The following DCC variants were observed in gnomAD, a reference collection of about 807,000 sequenced individuals.
DCC encodes the protein DCC netrin 1 receptor, also known as netrin receptor DCC.
Under a neutral mutation model 172.5 loss-of-function variants are expected in DCC, and 58 were observed. The ratio of observed to expected loss-of-function variants is 0.34; its 90% CI spans 0.27 to 0.42. DCC has a LOEUF of 0.42. Among genes scored for constraint, DCC ranks in the 10% least tolerant of loss-of-function variants. The pLI, the probability that DCC is intolerant of heterozygous loss-of-function variation, is 1.00. For synonymous variants in DCC, 709 were observed against 644.5 expected (o/e 1.10, Z -1.52); for missense variants, 1,740 against 1,791.0 (o/e 0.97, Z 0.51).
At chr18:52,491,366 T>A (rs2071918187) in intron 1 of DCC, among the ~76,000 whole-genome samples, 1 of 151,998 alleles carries the variant, frequency 6.6e-6, no homozygotes, top group South Asian at 2.1e-4. Context: ...GTATGATACA[T>A]AAAAGTAAAG....
intron 5 of DCC, among the ~76,000 whole-genome samples, chr18:52,995,514 C>A (rs1176860742): frequency 6.6e-6 from 1 of 151,370 alleles, no homozygotes; most frequent in Non-Finnish European, 1.5e-5. Context: ...TCAAACACAG[C>A]GATTGTGTTT....
At chr18:53,460,786 G>A (rs1045238831) in intron 24 of DCC, among the ~76,000 whole-genome samples, 1 of 152,118 alleles carries the variant, frequency 6.6e-6, no homozygotes, top group Non-Finnish European at 1.5e-5. Context: ...AGTCCTTTGG[G>A]TATATCCCCA....
intron 12 of DCC, among the ~76,000 whole-genome samples, chr18:53,249,800 T>C (rs1020585736): frequency 7.2e-5 from 11 of 151,978 alleles, no homozygotes; most frequent in African/African-American, 1.7e-4. Flanking sequence ...TCAGCACTTA[T>C]TTCAACCTTC....
At chr18:52,883,200 C>T (rs1287212683) in intron 2 of DCC, among the ~76,000 whole-genome samples, 1 of 151,978 alleles carries the variant, frequency 6.6e-6, no homozygotes, top group African/African-American at 2.4e-5. Flanking sequence ...ATGTTTTAAT[C>T]TATTAAGACA....
At chr18:53,115,964 C>T (rs2043403181) in intron 7 of DCC, among the ~76,000 whole-genome samples, 2 of 151,224 alleles carry the variant, frequency 1.3e-5, no homozygotes, top group East Asian at 3.9e-4. Flanking sequence ...GATGTGGGAG[C>T]GGGGTTGAGG....
In DCC at chr18:53,323,940, G is replaced by C. The variant is rs147482962; in HGVS notation, c.2164+1783G>C. On this transcript the variant is annotated intron_variant, in intron 14 of 28. Transcript: ENST00000442544. ...ATGATGAAGTTTGTAAGATAAGCAG[G>C]TTCCAAATCTGACAAGACAAAGTTA... 5.5e-5 allele frequency among the ~76,000 whole-genome samples: 8 copies of C among 146,042 alleles called. No individual in the cohort carries two copies. The East Asian group carries it at 1.5e-3, about 28-fold the overall frequency.
intron 1 of DCC, among the ~76,000 whole-genome samples, chr18:52,527,367 G>A (rs200268343): frequency 1.3e-5 from 2 of 152,190 alleles, no homozygotes; most frequent in Admixed American, 6.5e-5. Flanking sequence ...TGGTTCTTTT[G>A]CTATAATAAA....
chr18:52,643,686 T>C (rs1313345302), intron 1 of DCC, among the ~76,000 whole-genome samples: 1 of 152,170 alleles, frequency 6.6e-6, no homozygotes, highest in East Asian at 1.9e-4. Context: ...TATTTTCTCC[T>C]TGTGAAGTTG....
intron 1 of DCC, among the ~76,000 whole-genome samples, chr18:52,556,866 T>C (rs144349826): frequency 6.6e-6 from 1 of 152,304 alleles, no homozygotes; most frequent in African/African-American, 2.4e-5. Flanking sequence ...GAATTATTTG[T>C]ATTTTGGACT....
Position 52,687,283 on chromosome 18 carries a change from C to CT in DCC, c.92-64753dup, listed in dbSNP as rs5824954. ...GTCGTTAGCTAACTTTTTCTTTTTC[C>CT]TTTTTTTTTTTTTTTTTTGAGAGTA... On this transcript the variant is annotated intron_variant, in intron 1 of 28. Coordinates refer to ENST00000442544, the MANE Select transcript of DCC (RefSeq NM_005215.4). Among the ~76,000 whole-genome samples, 662 of 126,368 alleles carry CT rather than the reference C, an allele frequency of 5.2e-3. 4 individuals are homozygous for CT. Among genetic ancestry groups the CT allele is most frequent in the African/African-American group, 0.011 (348 of 32,566 alleles). 82.9% of individuals were successfully genotyped at this position (126,368 alleles called of 152,430 possible).
intron 27 of DCC, among the ~76,000 whole-genome samples, chr18:53,525,833 G>C (rs1351560882): frequency 6.6e-6 from 1 of 152,040 alleles, no homozygotes; most frequent in Admixed American, 6.6e-5. Context: ...TAACCCCTTA[G>C]TTATGTGAGG....
chr18:53,291,575 A>G (rs2057005459), intron 12 of DCC, among the ~76,000 whole-genome samples: 1 of 152,140 alleles, frequency 6.6e-6, no homozygotes, highest in Non-Finnish European at 1.5e-5. Flanking sequence ...TAAATTATAT[A>G]CTGGCCCTAT....
At chr18:52,680,009 C>T (rs769862066) in intron 1 of DCC, among the ~76,000 whole-genome samples, 3 of 152,054 alleles carry the variant, frequency 2.0e-5, no homozygotes, top group Non-Finnish European at 4.4e-5. Context: ...AAAAACTACT[C>T]TTCAAATTTC....
chr18:53,219,309 T>C (rs2144587540), intron 12 of DCC, among the ~76,000 whole-genome samples: 1 of 152,264 alleles, frequency 6.6e-6, no homozygotes, highest in Non-Finnish European at 1.5e-5. Flanking sequence ...CCTGTGTTTC[T>C]AACCATTATA....
At chr18:52,772,194 C>A (rs183094552) in intron 2 of DCC, among the ~76,000 whole-genome samples, 11 of 152,200 alleles carry the variant, frequency 7.2e-5, no homozygotes, top group African/African-American at 2.2e-4. Flanking sequence ...GCGATTTTGT[C>A]AATTTATGCT....
intron 1 of DCC, among the ~76,000 whole-genome samples, chr18:52,509,418 T>C (rs2031353239): frequency 6.6e-6 from 1 of 152,206 alleles, no homozygotes; most frequent in Admixed American, 6.5e-5. Flanking sequence ...TTACATCTTA[T>C]ATTTCCATTG....
At chr18:53,459,924 C>G (rs942562809) in intron 24 of DCC, among the ~76,000 whole-genome samples, 15 of 151,842 alleles carry the variant, frequency 9.9e-5, no homozygotes, top group Non-Finnish European at 1.8e-4. Context: ...TACAAAAAAA[C>G]TGAATATTCT....
chr18:52,758,209 C>G (rs1402564459), intron 2 of DCC, among the ~76,000 whole-genome samples: 1 of 152,124 alleles, frequency 6.6e-6, no homozygotes, highest in Non-Finnish European at 1.5e-5. Context: ...GAAAAACAGA[C>G]AGCATATAAT....
chr18:52,645,353 A>T (rs2034999333), intron 1 of DCC, among the ~76,000 whole-genome samples: 1 of 152,132 alleles, frequency 6.6e-6, no homozygotes, highest in South Asian at 2.1e-4. Context: ...ACTTTCATTG[A>T]CATAAACCAC....
Sources: gnomAD v4.1 joint callset for allele counts (sites outside exome capture counted in the v4.1 genomes callset) on GRCh38, gnomAD v4.1.1 for gene constraint, MANE v1.5 for transcripts, NCBI Gene and HGNC (gene_info 2026-07-23, HGNC 2026-07-21) for gene names.